CUEDC1: variants seen among roughly 807,000 people sequenced by gnomAD.
CUEDC1 encodes CUE domain-containing protein 1.
A neutral mutation model predicts 43.7 loss-of-function variants in CUEDC1; 30 were observed. The ratio of observed to expected loss-of-function variants is 0.69; its 90% CI spans 0.51 to 0.93. The LOEUF (loss-of-function observed/expected upper bound fraction) is 0.93, where lower values mean the gene tolerates loss of function less well. Among genes scored for constraint, CUEDC1 ranks in the 40% least tolerant of loss-of-function variants. The probability of loss-of-function intolerance (pLI) is 0.00; values close to 1 mark genes in which losing one functional copy is unlikely to be tolerated. For missense variants in CUEDC1, 486 were observed against 549.0 expected (o/e 0.89, Z 1.15); for synonymous variants, 223 against 223.6 (o/e 1.00, Z 0.02).
intron 1 of CUEDC1, among the ~76,000 whole-genome samples, chr17:57,888,057 C>T (rs2685509): frequency 0.31 from 46,859 of 151,250 alleles, 9,712 homozygotes; most frequent in East Asian, 0.93. Flanking sequence ...CGTGCCACCA[C>T]GCTTGGTGCT....
rs566218342 is a variant in CUEDC1, at chr17:57,924,742, C to T, written c.-316+30483G>A. On this transcript the variant is annotated intron_variant, in intron 1 of 10. Transcript: ENST00000577830. ...AGGGCTGAAGAGGCCATGCTAGAAG[C>T]CGCTGTCCCATCAAGGCCCCAGGCC... Among the ~76,000 whole-genome samples the T allele has an allele frequency of 1.9e-3, 291 of 152,332 alleles. 1 individual carries two copies. The highest frequency in any genetic ancestry group is 3.4e-3 in the Non-Finnish European group (229 of 68,020).
chr17:57,910,875 A>G (rs7216032), intron 1 of CUEDC1, among the ~76,000 whole-genome samples: 56,141 of 151,744 alleles, frequency 0.37, 11,053 homozygotes, highest in African/African-American at 0.47. Flanking sequence ...CCAGGCCTTC[A>G]CAGTACCCCC....
At chr17:57,873,991 G>A (rs540921130) in intron 3 of CUEDC1, among the ~76,000 whole-genome samples, 1 of 152,328 alleles carries the variant, frequency 6.6e-6, no homozygotes, top group East Asian at 1.9e-4. Flanking sequence ...TGCACATGTG[G>A]AACTCTGTGG....
chr17:57,907,417 A>C (rs2074540221), intron 1 of CUEDC1, among the ~76,000 whole-genome samples: 1 of 152,056 alleles, frequency 6.6e-6, no homozygotes, highest in Admixed American at 6.6e-5. Flanking sequence ...GTCAGGCTGG[A>C]TCATTCACTC....
At chr17:57,918,528 C>T (rs545423325) in intron 1 of CUEDC1, among the ~76,000 whole-genome samples, 35 of 152,346 alleles carry the variant, frequency 2.3e-4, no homozygotes, top group South Asian at 6.2e-4. Flanking sequence ...CCTTATCTAT[C>T]TTACCTACCC....
At chr17:57,888,692 G>A (rs892731711) in intron 1 of CUEDC1, among the ~76,000 whole-genome samples, 7 of 152,258 alleles carry the variant, frequency 4.6e-5, no homozygotes, top group African/African-American at 1.7e-4. Context: ...CTGGGGACCT[G>A]CCCTCAAGCC....
At chr17:57,939,817 G>A (rs1220895877) in intron 1 of CUEDC1, among the ~76,000 whole-genome samples, 5 of 152,080 alleles carry the variant, frequency 3.3e-5, no homozygotes, top group East Asian at 1.9e-4. Context: ...GAAAGTGGAC[G>A]GGTGTATTTG....
chr17:57,865,548 C>A (rs570216338), intron 10 of CUEDC1, among the ~76,000 whole-genome samples: 269 of 152,318 alleles, frequency 1.8e-3, no homozygotes, highest in African/African-American at 6.1e-3. Flanking sequence ...GGGCAGCTTC[C>A]CCTCTCCCAT....
chr17:57,870,212 G>A (rs2074015230), intron 6 of CUEDC1, among the ~76,000 whole-genome samples: 1 of 152,212 alleles, frequency 6.6e-6, no homozygotes, highest in Non-Finnish European at 1.5e-5. Context: ...GACTGATGAG[G>A]GGCCACTGTT....
intron 10 of CUEDC1, among the ~76,000 whole-genome samples, chr17:57,865,166 G>C (rs1315882523): frequency 6.6e-6 from 1 of 152,240 alleles, no homozygotes; most frequent in African/African-American, 2.4e-5. Context: ...GGAGAAGGGC[G>C]TGGAGATAGT....
intron 1 of CUEDC1, among the ~76,000 whole-genome samples, chr17:57,933,085 C>T (rs1296061268): frequency 6.6e-6 from 1 of 152,118 alleles, no homozygotes; most frequent in Admixed American, 6.6e-5. Context: ...AACCACTGCA[C>T]TAGATAGATG....
rs952014271 is a variant in CUEDC1, at chr17:57,885,751, G to A, written c.-187C>T. On this transcript the variant is annotated 5_prime_UTR_variant, in exon 2 of 11. Coordinates refer to ENST00000577830, the MANE Select transcript of CUEDC1 (RefSeq NM_001271875.2). ...CGGGTTAGGAGAGTACGGGCGCGGGGCCCCAGGCAGCCCTTGGAGAGCGGT... is the reference window on the plus strand; with the variant it reads ...CGGGTTAGGAGAGTACGGGCGCGGGACCCCAGGCAGCCCTTGGAGAGCGGT... The A allele has an allele frequency of 2.6e-5, 23 of 889,036 alleles. No homozygotes were observed. The highest frequency in any genetic ancestry group is 3.1e-5 in the Non-Finnish European group (21 of 670,014). The allele number at this position is 889,036 out of a possible 1,614,324, so 55.1% of individuals were successfully genotyped here.
At chr17:57,906,448 A>T (rs1567713117) in intron 1 of CUEDC1, among the ~76,000 whole-genome samples, 2 of 152,218 alleles carry the variant, frequency 1.3e-5, no homozygotes, top group Non-Finnish European at 2.9e-5. Flanking sequence ...GTTTCCAAGG[A>T]CTCAGGGAAG....
In CUEDC1 at chr17:57,879,651, C is replaced by G. The variant is rs1335187796; in HGVS notation, c.424G>C (p.Asp142His). 16 of 1,603,748 alleles carry G rather than the reference C, an allele frequency of 1.0e-5. No individual in the cohort carries two copies. Among genetic ancestry groups the G allele is most frequent in the Non-Finnish European group, 1.4e-5 (16 of 1,176,638 alleles). Residue 142 changes from aspartate (D) to histidine (H), a missense_variant, in exon 3 of 11, where the codon GAC becomes CAC. Asp to His is a moderately conservative substitution (Grantham distance 81, BLOSUM62 -1). Transcript: ENST00000577830. ...SPPAYHMHVF[D>H]RPYPLAPPTP... The stretch of plus-strand genomic sequence containing the variant: ...GGGGGAGCCAGAGGGTAGGGCCGGT[C>G]GAACACGTGCATGTGGTAGGCTGGC...
intron 3 of CUEDC1, 121 bp downstream of exon 3, chr17:57,879,490 A>G (rs2074173408): frequency 7.8e-7 from 1 of 1,275,568 alleles, no homozygotes. Flanking sequence ...TTGCTGCAGT[A>G]GAAGCCTGTT....
chr17:57,866,349 G>T, intron 10 of CUEDC1, 125 bp downstream of exon 10: 1 of 731,018 alleles, frequency 1.4e-6, no homozygotes, highest in South Asian at 1.7e-5. Flanking sequence ...GAAGACACGT[G>T]GGGCCTGTGC....
At position 57,883,793 on chromosome 17, in the gene CUEDC1, G is replaced by A. The variant is rs557992462; in HGVS notation, c.336+1436C>T. Among the ~76,000 whole-genome samples the A allele has an allele frequency of 8.5e-5, 13 of 152,244 alleles. No homozygotes were observed. The East Asian group carries it at 1.5e-3, about 18-fold the overall frequency. ...AAGCACTTAGGATGATGCCTGGCAC[G>A]GGTCGGGACTCAATAAAGAGTGGAG... On this transcript the variant is annotated intron_variant, in intron 2 of 10. Transcript: ENST00000577830.
chr17:57,868,066 A>G (rs1351030075), intron 8 of CUEDC1, 84 bp downstream of exon 8: 2 of 1,137,252 alleles, frequency 1.8e-6, no homozygotes, highest in Non-Finnish European at 2.7e-6. Context: ...AGGGGAGGGC[A>G]CAGCTGCAGG....
At chr17:57,887,595 A>G (rs1390499073) in intron 1 of CUEDC1, among the ~76,000 whole-genome samples, 1 of 144,442 alleles carries the variant, frequency 6.9e-6, no homozygotes, top group Non-Finnish European at 1.5e-5. Context: ...AGGTTCAAGC[A>G]GTTCTCCTGC....
Sources: gnomAD v4.1 joint callset for allele counts (sites outside exome capture counted in the v4.1 genomes callset) on GRCh38, gnomAD v4.1.1 for gene constraint, MANE v1.5 for transcripts, NCBI Gene and HGNC (gene_info 2026-07-23, HGNC 2026-07-21) for gene names.